The following SGO2 variants were observed in gnomAD, a reference collection of about 807,000 sequenced individuals.
The protein encoded by SGO2 is shugoshin-like 2.
A neutral mutation model predicts 99.5 loss-of-function variants in SGO2; 68 were observed. That is an observed-to-expected ratio of 0.68 (90% CI 0.56 to 0.84). SGO2 has a LOEUF of 0.84. Among genes scored for constraint, SGO2 ranks in the 40% least tolerant of loss-of-function variants. SGO2 has a pLI of 0.00. For synonymous variants in SGO2, 457 were observed against 487.1 expected (o/e 0.94, Z 0.81); for missense variants, 1,350 against 1,436.7 (o/e 0.94, Z 0.97).
intron 1 of SGO2, among the ~76,000 whole-genome samples, chr2:200,527,554 T>G (rs2031159444): frequency 6.6e-6 from 1 of 152,238 alleles, no homozygotes; most frequent in Non-Finnish European, 1.5e-5. Context: ...AGAAATTTCT[T>G]CTAAAACCAT....
At chr2:200,556,718 C>T (rs2032734603) in intron 5 of SGO2, among the ~76,000 whole-genome samples, 1 of 152,152 alleles carries the variant, frequency 6.6e-6, no homozygotes, top group South Asian at 2.1e-4. Context: ...ATTACCCTTC[C>T]CAGAAGGACC....
intron 7 of SGO2, 60 bp downstream of exon 7, chr2:200,574,037 G>GTT: frequency 7.4e-7 from 1 of 1,357,064 alleles, no homozygotes; most frequent in South Asian, 1.6e-5. Context: ...TTTTGTTTTC[G>GTT]TTTTTTACTT....
chr2:200,546,353 G>GA (rs772361302), intron 5 of SGO2, among the ~76,000 whole-genome samples: 3,527 of 42,250 alleles, frequency 0.083, 412 homozygotes, highest in Non-Finnish European at 0.11. Flanking sequence ...ACTCCATCTG[G>GA]AAAAAAAAAA....
intron 5 of SGO2, among the ~76,000 whole-genome samples, chr2:200,558,433 AT>A (rs1301867668): frequency 2.0e-5 from 3 of 151,978 alleles, no homozygotes; most frequent in East Asian, 3.8e-4. Flanking sequence ...ATTTTTAAAT[AT>A]TTTTTATTCA....
chr2:200,526,382 G>C lies in SGO2; in HGVS notation c.-3+130G>C, dbSNP rs1368460484. 6.6e-6 allele frequency: 1 copy of C among 152,312 alleles called. No homozygotes were observed. Among genetic ancestry groups the C allele is most frequent in the Non-Finnish European group, 1.5e-5 (1 of 68,094 alleles). The allele number at this position is 152,312 out of a possible 1,614,324, so 9.4% of individuals were successfully genotyped here. A position where few individuals can be genotyped will look rare whatever the true frequency, so the allele number is the denominator to read the frequency against. ...TCGTCTTCCGCCCTCTGTCCTCCGG[G>C]ATCCGGGACGGCGGCCCCTCTCCGG... On this transcript the variant is annotated intron_variant, in intron 1 of 8. Coordinates refer to ENST00000357799, the MANE Select transcript of SGO2 (RefSeq NM_152524.6). The surrounding 1 kb of genome is among the most constrained non-coding windows in gnomAD (Gnocchi z 4.8).
intron 5 of SGO2, chr2:200,543,426 C>T (rs780860267): frequency 3.3e-5 from 5 of 152,200 alleles, no homozygotes; most frequent in Non-Finnish European, 7.3e-5. Flanking sequence ...TGTCATCTTA[C>T]AAGTCAGTCA....
At chr2:200,566,778 C>T (rs183308914) in intron 5 of SGO2, among the ~76,000 whole-genome samples, 10 of 152,316 alleles carry the variant, frequency 6.6e-5, no homozygotes, top group African/African-American at 1.9e-4. Flanking sequence ...GGCGGGCACC[C>T]GTCCCCCCAG....
intron 1 of SGO2, among the ~76,000 whole-genome samples, chr2:200,528,398 C>G (rs912950640): frequency 1.3e-5 from 2 of 152,042 alleles, no homozygotes; most frequent in African/African-American, 4.8e-5. Context: ...GTAAGTAGCC[C>G]AGGTGGATAT....
At chr2:200,568,540 A>G (rs555425669) in intron 5 of SGO2, among the ~76,000 whole-genome samples, 1 of 152,336 alleles carries the variant, frequency 6.6e-6, no homozygotes, top group South Asian at 2.1e-4. Context: ...TTCAGAGGTC[A>G]GCTAGATATT....
intron 5 of SGO2, 143 bp from the exon 6 acceptor site, chr2:200,569,520 C>T: frequency 6.4e-6 from 4 of 629,134 alleles, no homozygotes; most frequent in Non-Finnish European, 1.1e-5. Flanking sequence ...CATTTCCTAC[C>T]TTTAAGTGTC....
chr2:200,547,380 C>A (rs549661032), intron 5 of SGO2, among the ~76,000 whole-genome samples: 4 of 152,132 alleles, frequency 2.6e-5, no homozygotes, highest in Non-Finnish European at 4.4e-5. Flanking sequence ...GTGAGAAATG[C>A]AGAAGGGAGT....
chr2:200,558,010 TG>T (rs1285674223), intron 5 of SGO2, among the ~76,000 whole-genome samples: 1 of 151,750 alleles, frequency 6.6e-6, no homozygotes, highest in Non-Finnish European at 1.5e-5. Flanking sequence ...ACTACAGGCA[TG>T]CACCATCACA....
At chr2:200,538,271 C>T (rs1391548664) in intron 4 of SGO2, among the ~76,000 whole-genome samples, 1 of 152,170 alleles carries the variant, frequency 6.6e-6, no homozygotes, top group Non-Finnish European at 1.5e-5. Flanking sequence ...CACTCCTTAA[C>T]CTTTTCAGTG....
chr2:200,539,084 G>A (rs916508942), intron 4 of SGO2, among the ~76,000 whole-genome samples: 7 of 151,956 alleles, frequency 4.6e-5, no homozygotes, highest in Non-Finnish European at 1.0e-4. Context: ...TATTATAATT[G>A]TTTTTCTTTA....
intron 5 of SGO2, among the ~76,000 whole-genome samples, chr2:200,550,752 A>T (rs1369294209): frequency 6.6e-6 from 1 of 152,200 alleles, no homozygotes; most frequent in Non-Finnish European, 1.5e-5. Flanking sequence ...AACATTGGGG[A>T]AACACTTCAG....
At chr2:200,562,947 G>A (rs562008869) in intron 5 of SGO2, among the ~76,000 whole-genome samples, 1 of 152,178 alleles carries the variant, frequency 6.6e-6, no homozygotes, top group Non-Finnish European at 1.5e-5. Context: ...ATCAGCTTAA[G>A]GAGATTTTGG....
intron 4 of SGO2, among the ~76,000 whole-genome samples, chr2:200,542,042 C>T (rs1362205338): frequency 6.6e-6 from 1 of 151,982 alleles, no homozygotes; most frequent in Non-Finnish European, 1.5e-5. Context: ...TAATTTGGCA[C>T]CATTCCCTTG....
chr2:200,543,511 GTTCT>G (rs1305857316), intron 5 of SGO2: 2 of 152,134 alleles, frequency 1.3e-5, no homozygotes, highest in Non-Finnish European at 1.5e-5. Flanking sequence ...TTTTAGAAAT[GTTCT>G]TTCTATTATA....
At chr2:200,580,432 C>A in intron 8 of SGO2, 1 of 410,018 alleles carries the variant, frequency 2.4e-6, no homozygotes, top group Non-Finnish European at 4.9e-6. Context: ...TCACTGACTT[C>A]TGCTTCATAT....
Sources: allele counts gnomAD v4.1 joint callset (sites outside exome capture counted in the v4.1 genomes callset), GRCh38; gene constraint gnomAD v4.1.1; non-coding constraint Gnocchi (gnomAD v3.1); transcripts MANE v1.5; gene names NCBI Gene and HGNC (gene_info 2026-07-23, HGNC 2026-07-21).